Variants in GPS2 observed in about 807,000 individuals in gnomAD.
GPS2 encodes the protein G protein pathway suppressor 2.
Under a neutral mutation model 48.1 loss-of-function variants are expected in GPS2, and 22 were observed. The ratio of observed to expected loss-of-function variants is 0.46; its 90% CI spans 0.33 to 0.65. The LOEUF (loss-of-function observed/expected upper bound fraction) is 0.65, where lower values mean the gene tolerates loss of function less well. Ranked by LOEUF, GPS2 falls within the 30% of genes least tolerant of loss-of-function variation. GPS2 has a pLI of 0.03. For synonymous variants in GPS2, 202 were observed against 142.5 expected (o/e 1.42, Z -2.98); for missense variants, 366 against 406.8 (o/e 0.90, Z 0.86).
At chr17:7,314,805 G>A in intron 2 of GPS2, 154 bp downstream of exon 2, 1 of 1,265,766 alleles carries the variant, frequency 7.9e-7, no homozygotes, top group Non-Finnish European at 1.1e-6. Context: ...TCTGGAGCGT[G>A]GAACAGGACG....
Position 7,314,391 on chromosome 17 carries a change from C to T in GPS2, c.217G>A (p.Glu73Lys). 1 of 1,614,140 alleles carries T rather than the reference C, an allele frequency of 6.2e-7. No individual in the cohort carries two copies. The highest frequency in any genetic ancestry group is 8.5e-7 in the Non-Finnish European group (1 of 1,180,018). The change falls in exon 4 of 11, where the codon GAG (glutamate) becomes AAG (lysine). Residue 73 changes from glutamate to lysine, a missense_variant. Physicochemically the swap from Glu to Lys is moderately conservative, Grantham distance 56. Around this residue, in one of 3 missense-constraint regions of GPS2, gnomAD observed 88 missense variants for 107.4 expected, o/e 0.82. Coordinates refer to ENST00000380728, the MANE Select transcript of GPS2 (RefSeq NM_004489.5). ...TCCTGTAGAGCCAAAAGCTTCTCCT[C>T]CAACTTCAGAATCTGGGATGGGGTG... ...EETKEQILKL[E>K]EKLLALQEEK... is the part of the protein sequence containing the mutation.
At chr17:7,314,891 T>C (rs2072916999) in intron 2 of GPS2, 68 bp downstream of exon 2, 3 of 1,518,290 alleles carry the variant, frequency 2.0e-6, no homozygotes, top group Non-Finnish European at 2.7e-6. Context: ...GGCCGGTGGG[T>C]TGAGGCCAGC....
At position 7,314,530 on chromosome 17, in the gene GPS2, C is replaced by T; in HGVS notation, c.162G>A (p.Lys54=). 1.2e-6 allele frequency: 2 copies of T among 1,613,996 alleles called. No individual in the cohort carries two copies. The highest frequency in any genetic ancestry group is 1.7e-6 in the Non-Finnish European group (2 of 1,179,848). ...CTAATGACATTCTCTCTTCCATCTC[C>T]TTTTTCTTCCTTCTCTCCTGTTCTT... is the stretch of plus-strand genomic sequence containing the variant. The part of the protein sequence containing the change: ...MKEEQERRKK[K]EMEERMSLEE... The change falls in exon 3 of 11, where the codon AAG becomes AAA. Residue 54 remains lysine (K), a synonymous_variant. Coordinates refer to ENST00000380728, the MANE Select transcript of GPS2 (RefSeq NM_004489.5).
At chr17:7,313,349 G>A in intron 8 of GPS2, 31 bp downstream of exon 8, 1 of 1,611,752 alleles carries the variant, frequency 6.2e-7, no homozygotes, top group South Asian at 1.1e-5. Flanking sequence ...GAGGACCTGA[G>A]AGCTAGAGCT....
chr17:7,313,434 G>C lies in GPS2; in HGVS notation c.670C>G (p.Gln224Glu). The C allele has an allele frequency of 1.2e-6, 2 of 1,614,176 alleles. No homozygotes were observed. Among genetic ancestry groups the C allele is most frequent in the Non-Finnish European group, 1.7e-6 (2 of 1,180,010 alleles). The change falls in exon 8 of 11, where the codon CAG (glutamine) becomes GAG (glutamate). Residue 224 changes from glutamine to glutamate, a missense_variant. This residue lies in a region of GPS2 where 275 missense variants were observed against 282.3 expected (regional missense o/e 0.97). Transcript: ENST00000380728. ...SAFPAVQYLS[Q>E]PQPQPYAVHG... The stretch of plus-strand genomic sequence containing the variant: ...ACAGCATAGGGCTGTGGCTGTGGCT[G>C]AGATAGGTACTGCACTGCAGGGAAT...
rs376182174 is a variant in GPS2 at position 7,312,715 on chromosome 17, G to C, written c.*41C>G. The C allele has an allele frequency of 1.4e-6, 2 of 1,458,400 alleles. No homozygotes were observed. The highest frequency in any genetic ancestry group is 2.8e-5 in the African/African-American group (2 of 71,944). The allele number at this position is 1,458,400 out of a possible 1,614,324, so 90.3% of individuals were successfully genotyped here. A position where few individuals can be genotyped will look rare whatever the true frequency, so the allele number is the denominator to read the frequency against. On this transcript the variant is annotated 3_prime_UTR_variant, in exon 11 of 11. Coordinates refer to ENST00000380728, the MANE Select transcript of GPS2 (RefSeq NM_004489.5). ...ACACACAGGGGATACCCTCACCCAC[G>C]ATGGGGTGGGGGGTGTGGTGTTGAA...
chr17:7,315,179 C>G, intron 1 of GPS2, 60 bp from the exon 2 acceptor site: 1 of 516,790 alleles, frequency 1.9e-6, no homozygotes, highest in Non-Finnish European at 3.1e-6. Flanking sequence ...GCCCGTCCGC[C>G]CGGCCCGCTC....
In GPS2 at chr17:7,314,974, C is replaced by G; in HGVS notation, c.79G>C (p.Glu27Gln). 6.3e-7 allele frequency: 1 copy of G among 1,592,558 alleles called. No individual in the cohort carries two copies. Among genetic ancestry groups the G allele is most frequent in the South Asian group, 1.1e-5 (1 of 87,834 alleles). The change falls in exon 2 of 11, where the codon GAG becomes CAG. Residue 27 changes from glutamate (E) to glutamine (Q), a missense_variant. Glu to Gln is a conservative substitution (Grantham distance 29, BLOSUM62 2). Around this residue, in one of 3 missense-constraint regions of GPS2, gnomAD observed 88 missense variants for 107.4 expected, o/e 0.82. Transcript: ENST00000380728. ...ALHRHIMMERERKRQEEEEVD... is the reference protein window; with the variant it reads ...ALHRHIMMERQRKRQEEEEVD... ...CCCGGCTCACCCTGCCGCTTGCGCT[C>G]CCGCTCCATCATAATGTGCCGGTGC...
At chr17:7,313,505 T>A (rs774436733) in intron 7 of GPS2, 36 bp from the exon 8 acceptor site, 4 of 1,613,680 alleles carry the variant, frequency 2.5e-6, no homozygotes, top group Non-Finnish European at 3.4e-6. Context: ...TAAAATCTTT[T>A]ACTGAATGGC....
rs1319482296 is a variant in GPS2, at chr17:7,314,231, T to C, written c.317+60A>G. The C allele has an allele frequency of 3.8e-6, 6 of 1,593,384 alleles. No individual in the cohort carries two copies. The East Asian group carries it at 1.1e-4, about 30-fold the overall frequency. ...CTTTTGCCATTAAACACTGGTTCTT[T>C]TACTACCTGATCCCAGTTCCACTTG... On this transcript the variant is annotated intron_variant, in intron 4 of 10. Coordinates refer to ENST00000380728, the MANE Select transcript of GPS2 (RefSeq NM_004489.5).
intron 9 of GPS2, 27 bp downstream of exon 9, chr17:7,313,185 C>T (rs201630551): frequency 6.2e-7 from 1 of 1,612,182 alleles, no homozygotes; most frequent in Non-Finnish European, 8.5e-7. Flanking sequence ...TATCCCTAAC[C>T]CTGACCTCCC....
intron 6 of GPS2, 31 bp downstream of exon 6, chr17:7,313,875 C>T: frequency 6.3e-7 from 1 of 1,596,960 alleles, no homozygotes; most frequent in Middle Eastern, 1.7e-4. Context: ...GATGGAAGTA[C>T]TAGGGGCTAG....
intron 6 of GPS2, 43 bp downstream of exon 6, chr17:7,313,863 T>G: frequency 6.3e-7 from 1 of 1,579,420 alleles, no homozygotes; most frequent in East Asian, 2.2e-5. Flanking sequence ...CAAGGATGCA[T>G]GGATGGAAGT....
chr17:7,312,737 T>TG lies in GPS2; in HGVS notation c.*18dup. ...CACGATGGGGTGGGGGGTGTGGTGT[T>TG]GAAGATATAATCTGATGGTCACTTG... On this transcript the variant is annotated 3_prime_UTR_variant, in exon 11 of 11. Transcript: ENST00000380728. 6.3e-7 allele frequency: 1 copy of TG among 1,598,670 alleles called. No homozygotes were observed. Among genetic ancestry groups the TG allele is most frequent in the South Asian group, 1.1e-5 (1 of 90,762 alleles).
chr17:7,313,810 TA>T, intron 6 of GPS2, 89 bp from the exon 7 acceptor site: 1 of 1,572,054 alleles, frequency 6.4e-7, no homozygotes, highest in South Asian at 1.1e-5. Context: ...CGTTTCCCCC[TA>T]AACTTAAGTG....
chr17:7,314,700 G>A (rs1298487482), intron 2 of GPS2, 103 bp from the exon 3 acceptor site: 2 of 1,583,832 alleles, frequency 1.3e-6, no homozygotes, highest in East Asian at 2.2e-5. Context: ...ACGCCTGTAT[G>A]CTCTTTGCCT....
At chr17:7,314,784 A>G (rs895756446) in intron 2 of GPS2, 175 bp downstream of exon 2, 4 of 1,299,598 alleles carry the variant, frequency 3.1e-6, no homozygotes, top group African/African-American at 2.9e-5. Flanking sequence ...GGTCCTTCCC[A>G]TCTCAAGGGT....
Position 7,314,566 on chromosome 17 carries a change from C to A in GPS2, c.126G>T (p.Gln42His). ...EEEEVDKMMEQKMKEEQERRK... is the reference protein window; with the variant it reads ...EEEEVDKMMEHKMKEEQERRK... ...TTCTCTCCTGTTCTTCCTTCATCTT[C>A]TGTTCCATCATCTTATCCACCTCTT... The change falls in exon 3 of 11, where the codon CAG becomes CAT. Residue 42 changes from glutamine to histidine, a missense_variant. Gln to His is a conservative substitution (Grantham distance 24). Coordinates refer to ENST00000380728, the MANE Select transcript of GPS2 (RefSeq NM_004489.5). 6.2e-7 allele frequency: 1 copy of A among 1,613,814 alleles called. No homozygotes were observed.
At chr17:7,314,686 C>CA in intron 2 of GPS2, 89 bp from the exon 3 acceptor site, 1 of 1,599,322 alleles carries the variant, frequency 6.3e-7, no homozygotes, top group South Asian at 1.1e-5. Flanking sequence ...CCAGTCATCC[C>CA]AACACGCCTG....
Sources: allele counts gnomAD v4.1 joint callset, GRCh38; gene constraint gnomAD v4.1.1; regional missense constraint gnomAD v4.1.1; transcripts MANE v1.5; gene names NCBI Gene and HGNC (gene_info 2026-07-23, HGNC 2026-07-21).